DUSP22: variants seen among roughly 807,000 people sequenced by gnomAD.
DUSP22 encodes dual specificity protein phosphatase 22.
A neutral mutation model predicts 24.5 loss-of-function variants in DUSP22; 24 were observed. The observed-to-expected ratio is 0.98, with a 90% confidence interval of 0.71 to 1.38. The LOEUF (loss-of-function observed/expected upper bound fraction) is 1.38. Ranked by LOEUF, DUSP22 falls within the 40% of genes most tolerant of loss-of-function variation. The pLI is 0.00. For synonymous variants in DUSP22, 160 were observed against 106.4 expected (o/e 1.50, Z -3.10); for missense variants, 330 against 269.2 (o/e 1.23, Z -1.58).
intron 1 of DUSP22, 70 bp from the exon 2 acceptor site, chr6:304,557 TG>T: frequency 6.2e-7 from 1 of 1,605,730 alleles, no homozygotes; most frequent in Non-Finnish European, 8.5e-7. Context: ...TGCTGCTGGA[TG>T]AGGCCCCCTT....
At position 349,420 on chromosome 6, in the gene DUSP22, G is replaced by A; in HGVS notation, c.*469G>A. 1 of 1,017,030 alleles carries A rather than the reference G, an allele frequency of 9.8e-7. No individual in the cohort carries two copies. Among genetic ancestry groups the A allele is most frequent in the Non-Finnish European group, 1.2e-6 (1 of 849,486 alleles). The allele number at this position is 1,017,030 out of a possible 1,614,324, so 63.0% of individuals were successfully genotyped here. ...GGTTGGTGTGGCCACCTTTCCCTTT[G>A]TCCAAGACTCCACATGGAAGGCATT... On this transcript the variant is annotated 3_prime_UTR_variant, in exon 7 of 7. Transcript: ENST00000419235.
At chr6:300,565 G>T (rs1488013739) in intron 1 of DUSP22, among the ~76,000 whole-genome samples, 3 of 152,310 alleles carry the variant, frequency 2.0e-5, no homozygotes, top group Admixed American at 2.0e-4. Context: ...GAGAGCTGCT[G>T]CGTGGAAGTA....
At chr6:309,093 C>G (rs1469131392) in intron 2 of DUSP22, among the ~76,000 whole-genome samples, 1 of 152,308 alleles carries the variant, frequency 6.6e-6, no homozygotes, top group Non-Finnish European at 1.5e-5. Context: ...CAAAACGATT[C>G]TAGCTTCTGC....
intron 4 of DUSP22, among the ~76,000 whole-genome samples, chr6:338,938 T>C (rs1052496599): frequency 2.0e-5 from 3 of 152,312 alleles, no homozygotes; most frequent in African/African-American, 2.4e-5. Context: ...TTGGCCTCTA[T>C]CCTCTCAAAT....
At chr6:324,330 G>A (rs1254485665) in intron 3 of DUSP22, among the ~76,000 whole-genome samples, 4 of 152,302 alleles carry the variant, frequency 2.6e-5, no homozygotes, top group African/African-American at 7.2e-5. Context: ...TCCTGGGGAG[G>A]CCTGGGAGCA....
intron 1 of DUSP22, among the ~76,000 whole-genome samples, chr6:300,648 G>A (rs1233076401): frequency 6.6e-6 from 1 of 152,296 alleles, no homozygotes; most frequent in African/African-American, 2.4e-5. Context: ...GAGGGTTCCT[G>A]GTTGAGCTGG....
intron 4 of DUSP22, among the ~76,000 whole-genome samples, chr6:343,144 T>A (rs992012384): frequency 3.3e-5 from 5 of 152,424 alleles, no homozygotes; most frequent in African/African-American, 1.2e-4. Context: ...AATCCTTTCT[T>A]GCCTGCTGTG....
chr6:307,474 C>G (rs1306933807), intron 2 of DUSP22, among the ~76,000 whole-genome samples: 1 of 152,308 alleles, frequency 6.6e-6, no homozygotes, highest in African/African-American at 2.4e-5. Context: ...TGGAGAAGAA[C>G]CACAAACAAA....
chr6:321,597 TGAAAGAAGGG>T (rs1233734353), intron 3 of DUSP22, among the ~76,000 whole-genome samples: 3 of 152,268 alleles, frequency 2.0e-5, no homozygotes, highest in African/African-American at 7.2e-5. Flanking sequence ...AAGTTGAAAA[TGAAAGAAGGG>T]GAAAGATTCT....
In DUSP22 at chr6:311,150, T is replaced by C. The variant is rs1200266356; in HGVS notation, c.56-730T>C. Among the ~76,000 whole-genome samples the C allele has an allele frequency of 2.0e-5, 3 of 152,306 alleles. No individual in the cohort carries two copies. The East Asian group carries it at 5.8e-4, about 29-fold the overall frequency. ...GGTTTATAGAAATAACATTGGTTAG[T>C]GCCTGGCTATACGATATTGAACTAT... On this transcript the variant is annotated intron_variant, in intron 2 of 6. Transcript: ENST00000419235.
intron 3 of DUSP22, among the ~76,000 whole-genome samples, chr6:333,797 G>A (rs924776853): frequency 6.6e-6 from 1 of 152,300 alleles, no homozygotes; most frequent in Admixed American, 6.5e-5. Context: ...AAGCCCACGT[G>A]TGCTTCCCGG....
At chr6:322,043 A>G (rs545926059) in intron 3 of DUSP22, among the ~76,000 whole-genome samples, 2 of 152,420 alleles carry the variant, frequency 1.3e-5, no homozygotes, top group South Asian at 2.1e-4. Context: ...TGGGCATCAC[A>G]GTATCACAGT....
Position 345,746 on chromosome 6 carries a change from C to CA in DUSP22, c.189-101dup, listed in dbSNP as rs200788159. 5.2e-4 allele frequency: 711 copies of CA among 1,374,300 alleles called. No individual in the cohort carries two copies. The East Asian group carries it at 0.015, about 29-fold the overall frequency. The allele number at this position is 1,374,300 out of a possible 1,614,324, so 85.1% of individuals were successfully genotyped here. A position where few individuals can be genotyped will look rare whatever the true frequency, so the allele number is the denominator to read the frequency against. On this transcript the variant is annotated intron_variant, in intron 4 of 6. Transcript: ENST00000419235. ...TATGTAGAATTATGTGTCAATTATA[C>CA]AAAAAAATCAATTAACATTTTAAGA... is the stretch of plus-strand genomic sequence containing the variant.
rs554052182 is a variant in DUSP22, at chr6:350,026, T to G, written c.*1075T>G. The G allele has an allele frequency of 6.2e-4, 607 of 985,394 alleles. No homozygotes were observed. The highest frequency in any genetic ancestry group is 7.0e-4 in the Non-Finnish European group (580 of 829,750). 61.0% of individuals were successfully genotyped at this position (985,394 alleles called of 1,614,324 possible). On this transcript the variant is annotated 3_prime_UTR_variant, in exon 7 of 7. Transcript: ENST00000419235. Reference sequence around the variant, plus strand: ...ATTAGGCACTGTAGCAATTTGCATTTTAAAATGCCTGAGCATTTATTAAGC... The same window carrying G: ...ATTAGGCACTGTAGCAATTTGCATTGTAAAATGCCTGAGCATTTATTAAGC...
chr6:328,359 G>A (rs113074057), intron 3 of DUSP22, among the ~76,000 whole-genome samples: 444 of 152,296 alleles, frequency 2.9e-3, no homozygotes, highest in Non-Finnish European at 4.5e-3. Context: ...GTACTGGCTG[G>A]AGGAAATCCA....
intron 5 of DUSP22, 77 bp downstream of exon 5, chr6:346,005 G>T: frequency 6.4e-7 from 1 of 1,561,946 alleles, no homozygotes; most frequent in Admixed American, 1.7e-5. Flanking sequence ...TTTTCCGTGT[G>T]TGAATAATGG....
chr6:325,077 C>T (rs1403803120), intron 3 of DUSP22: 2 of 193,934 alleles, frequency 1.0e-5, no homozygotes, highest in Non-Finnish European at 2.1e-5. Context: ...AGTCATCTGC[C>T]CTGGGCTTCC....
rs1360919012 is a variant in DUSP22 at position 350,230 on chromosome 6, T to C, written c.*1279T>C. 1 of 987,880 alleles carries C rather than the reference T, an allele frequency of 1.0e-6. No homozygotes were observed. The highest frequency in any genetic ancestry group is 1.2e-6 in the Non-Finnish European group (1 of 831,734). 61.2% of individuals were successfully genotyped at this position (987,880 alleles called of 1,614,324 possible). On this transcript the variant is annotated 3_prime_UTR_variant, in exon 7 of 7. Coordinates refer to ENST00000419235, the MANE Select transcript of DUSP22 (RefSeq NM_001286555.3). ...CATTGAGCTATTTAAAGTTGCCAGTTTGGGCTCCAGTAATGCTTTCTGGTG... is the reference window on the plus strand; with the variant it reads ...CATTGAGCTATTTAAAGTTGCCAGTCTGGGCTCCAGTAATGCTTTCTGGTG...
At chr6:300,704 C>G (rs1414627268) in intron 1 of DUSP22, among the ~76,000 whole-genome samples, 1 of 152,166 alleles carries the variant, frequency 6.6e-6, no homozygotes, top group Admixed American at 6.5e-5. Flanking sequence ...AGGGCAGGAA[C>G]AGACCTGCTG....
Sources: allele counts gnomAD v4.1 joint callset (sites outside exome capture counted in the v4.1 genomes callset), GRCh38; gene constraint gnomAD v4.1.1; transcripts MANE v1.5; gene names NCBI Gene and HGNC (gene_info 2026-07-23, HGNC 2026-07-21).